Variants in ST6GALNAC3 observed in about 807,000 individuals in gnomAD.
The protein encoded by ST6GALNAC3 is ST6 N-acetylgalactosaminide alpha-2,6-sialyltransferase 3.
ST6GALNAC3 carries 25 observed loss-of-function variants against 32.7 expected under a neutral mutation model. The observed-to-expected ratio is 0.76, with a 90% CI of 0.56 to 1.07. The LOEUF (loss-of-function observed/expected upper bound fraction) is 1.07, where lower values mean the gene tolerates loss of function less well. Among genes scored for constraint, ST6GALNAC3 ranks in the 50% least tolerant of loss-of-function variants. ST6GALNAC3 has a pLI of 0.00. For missense variants in ST6GALNAC3, 355 were observed against 382.4 expected (o/e 0.93, Z 0.60); for synonymous variants, 129 against 133.1 (o/e 0.97, Z 0.21).
chr1:76,231,980 GACA>G (rs1405162426), intron 1 of ST6GALNAC3, among the ~76,000 whole-genome samples: 1 of 152,142 alleles, frequency 6.6e-6, no homozygotes, highest in Non-Finnish European at 1.5e-5. Flanking sequence ...ACTGAATTTT[GACA>G]ACAAGGCTTC....
intron 3 of ST6GALNAC3, among the ~76,000 whole-genome samples, chr1:76,611,249 T>C (rs1197405062): frequency 6.6e-6 from 1 of 151,688 alleles, no homozygotes; most frequent in African/African-American, 2.4e-5. Context: ...AATTATTATA[T>C]TAATATTCAA....
chr1:76,213,616 T>G (rs1344294518), intron 1 of ST6GALNAC3, among the ~76,000 whole-genome samples: 2 of 152,178 alleles, frequency 1.3e-5, no homozygotes, highest in African/African-American at 2.4e-5. Flanking sequence ...TTATTCCAAC[T>G]AAAATCACAG....
At chr1:76,540,670 T>A (rs919540949) in intron 3 of ST6GALNAC3, among the ~76,000 whole-genome samples, 20 of 152,198 alleles carry the variant, frequency 1.3e-4, no homozygotes, top group African/African-American at 4.8e-4. Flanking sequence ...TAAATTGTGA[T>A]AAAATAAGCA....
intron 1 of ST6GALNAC3, among the ~76,000 whole-genome samples, chr1:76,194,753 A>T (rs1290972280): frequency 3.3e-5 from 5 of 152,198 alleles, no homozygotes; most frequent in Non-Finnish European, 5.9e-5. Flanking sequence ...CAGCCTTTTC[A>T]GATAATTGTG....
At chr1:76,471,415 A>G (rs1190567142) in intron 3 of ST6GALNAC3, among the ~76,000 whole-genome samples, 4 of 152,066 alleles carry the variant, frequency 2.6e-5, no homozygotes, top group African/African-American at 7.2e-5. Flanking sequence ...ATGTTTTTCT[A>G]CTTTGTATCA....
chr1:76,602,230 A>G (rs1647268014), intron 3 of ST6GALNAC3, among the ~76,000 whole-genome samples: 2 of 152,092 alleles, frequency 1.3e-5, no homozygotes, highest in African/African-American at 4.8e-5. Context: ...GGTTCACCTG[A>G]GTTACGAATG....
chr1:76,329,366 A>C (rs1346377776), intron 2 of ST6GALNAC3, among the ~76,000 whole-genome samples: 2 of 152,196 alleles, frequency 1.3e-5, no homozygotes. Context: ...TTAACTATGC[A>C]GAAAGCCAAT....
At chr1:76,313,644 G>T in intron 1 of ST6GALNAC3, 161 bp from the exon 2 acceptor site, 1 of 851,222 alleles carries the variant, frequency 1.2e-6, no homozygotes, top group Non-Finnish European at 1.9e-6. Context: ...GGACAATTTG[G>T]TCACCAAATA....
intron 1 of ST6GALNAC3, among the ~76,000 whole-genome samples, chr1:76,087,993 G>A (rs1355546545): frequency 2.0e-5 from 3 of 152,190 alleles, no homozygotes; most frequent in Admixed American, 2.0e-4. Context: ...TTTGTCTGAG[G>A]TCATGTGGCC....
intron 3 of ST6GALNAC3, among the ~76,000 whole-genome samples, chr1:76,615,797 C>T (rs549278075): frequency 3.0e-4 from 46 of 152,258 alleles, no homozygotes; most frequent in African/African-American, 9.4e-4. Flanking sequence ...CTCTTTATGA[C>T]ATTTTGGCTT....
intron 2 of ST6GALNAC3, among the ~76,000 whole-genome samples, chr1:76,350,104 G>A (rs12122625): frequency 0.21 from 32,275 of 152,062 alleles, 3,824 homozygotes; most frequent in Non-Finnish European, 0.27. Flanking sequence ...CATTATTCAT[G>A]TAACATTTCT....
intron 1 of ST6GALNAC3, among the ~76,000 whole-genome samples, chr1:76,230,199 C>T (rs961926161): frequency 6.6e-6 from 1 of 152,166 alleles, no homozygotes; most frequent in African/African-American, 2.4e-5. Flanking sequence ...GACTTCTTCC[C>T]AAACCTTAAG....
At chr1:76,499,042 C>T (rs942490026) in intron 3 of ST6GALNAC3, among the ~76,000 whole-genome samples, 1 of 152,096 alleles carries the variant, frequency 6.6e-6, no homozygotes, top group Non-Finnish European at 1.5e-5. Context: ...ATAACAATCT[C>T]CTTGAATAGC....
intron 3 of ST6GALNAC3, among the ~76,000 whole-genome samples, chr1:76,535,800 G>T (rs1205636752): frequency 6.8e-6 from 1 of 147,272 alleles, no homozygotes; most frequent in African/African-American, 2.7e-5. Flanking sequence ...GAGCTTGTTT[G>T]TTGCTATAAG....
At chr1:76,351,986 G>A (rs1041654118) in intron 2 of ST6GALNAC3, among the ~76,000 whole-genome samples, 8 of 152,096 alleles carry the variant, frequency 5.3e-5, no homozygotes, top group African/African-American at 1.7e-4. Flanking sequence ...GTGGCCATCC[G>A]AAGGGCCATA....
rs184765989 is a variant in ST6GALNAC3 at position 76,383,927 on chromosome 1, A to G, written c.214-28081A>G. Among the ~76,000 whole-genome samples, 28 of 152,322 alleles carry G rather than the reference A, an allele frequency of 1.8e-4. No individual in the cohort carries two copies. In the East Asian group the frequency reaches 5.4e-3, roughly 29 times the overall value. On this transcript the variant is annotated intron_variant, in intron 2 of 4. Coordinates refer to ENST00000328299, the MANE Select transcript of ST6GALNAC3 (RefSeq NM_152996.4). The stretch of plus-strand genomic sequence containing the variant: ...GAATTTAGATGTAACAAACTAAGAG[A>G]TAATAAATGGGAAATTTTCTTAAGT...
intron 1 of ST6GALNAC3, among the ~76,000 whole-genome samples, chr1:76,122,588 A>T (rs1648952221): frequency 6.6e-6 from 1 of 152,212 alleles, no homozygotes; most frequent in African/African-American, 2.4e-5. Context: ...TTATGTGCAC[A>T]CATTTTGTAA....
intron 2 of ST6GALNAC3, among the ~76,000 whole-genome samples, chr1:76,323,196 AT>A (rs144864055): frequency 0.011 from 1,669 of 152,312 alleles, 26 homozygotes; most frequent in African/African-American, 0.037. Context: ...GACTATAAAA[AT>A]GATTAAGAAT....
rs1424138116 is a variant in ST6GALNAC3, at chr1:76,519,395, T to C, written c.623+106978T>C. Among the ~76,000 whole-genome samples, 3 of 152,142 alleles carry C rather than the reference T, an allele frequency of 2.0e-5. No homozygotes were observed. In the East Asian group the frequency reaches 5.8e-4, roughly 29 times the overall value. Reference sequence around the variant, plus strand: ...TTTCTGATGAAGATAATGGTATCAATCAGTTCCTTGTTTCTTTGCAAGGAA... The same window carrying C: ...TTTCTGATGAAGATAATGGTATCAACCAGTTCCTTGTTTCTTTGCAAGGAA... On this transcript the variant is annotated intron_variant, in intron 3 of 4. Transcript: ENST00000328299.
Sources: allele counts gnomAD v4.1 joint callset (sites outside exome capture counted in the v4.1 genomes callset), GRCh38; gene constraint gnomAD v4.1.1; transcripts MANE v1.5; gene names NCBI Gene and HGNC (gene_info 2026-07-23, HGNC 2026-07-21).